ZFPM2: variants seen among roughly 807,000 people sequenced by gnomAD.
ZFPM2 encodes the protein zinc finger protein, FOG family member 2.
Under a neutral mutation model 98.6 loss-of-function variants are expected in ZFPM2, and 20 were observed. That is an observed-to-expected ratio of 0.20 (90% CI 0.14 to 0.29). The LOEUF is 0.29. ZFPM2 is among the 10% of genes least tolerant of loss of function. The probability of loss-of-function intolerance (pLI) is 1.00; values close to 1 mark genes in which losing one functional copy is unlikely to be tolerated. For synonymous variants in ZFPM2, 518 were observed against 502.7 expected (o/e 1.03, Z -0.41); for missense variants, 1,310 against 1,388.6 (o/e 0.94, Z 0.90).
At chr8:105,659,033 T>C (rs1817341126) in intron 5 of ZFPM2, among the ~76,000 whole-genome samples, 1 of 152,164 alleles carries the variant, frequency 6.6e-6, no homozygotes, top group Non-Finnish European at 1.5e-5. Flanking sequence ...CAGGAGGAGA[T>C]GGATCTTAAA....
intron 1 of ZFPM2, among the ~76,000 whole-genome samples, chr8:105,385,454 C>T (rs760110840): frequency 1.3e-5 from 2 of 152,156 alleles, no homozygotes; most frequent in Non-Finnish European, 2.9e-5. Flanking sequence ...TAGAGACAAA[C>T]GTCAAGCTAG....
At chr8:105,630,458 A>C (rs944882794) in intron 4 of ZFPM2, among the ~76,000 whole-genome samples, 1 of 152,092 alleles carries the variant, frequency 6.6e-6, no homozygotes, top group Non-Finnish European at 1.5e-5. Flanking sequence ...GAGATTTTTT[A>C]TCTACTTATT....
chr8:105,419,374 A>T (rs1173319640), intron 2 of ZFPM2, 72 bp downstream of exon 2: 9 of 1,545,338 alleles, frequency 5.8e-6, no homozygotes, highest in Non-Finnish European at 7.0e-6. Context: ...AAAAATGCAT[A>T]ATAGTCCTCA....
chr8:105,381,459 TG>T (rs1344892543), intron 1 of ZFPM2, among the ~76,000 whole-genome samples: 1 of 152,120 alleles, frequency 6.6e-6, no homozygotes, highest in Non-Finnish European at 1.5e-5. Context: ...GAGAACTCTT[TG>T]TTTTTGACAA....
intron 5 of ZFPM2, among the ~76,000 whole-genome samples, chr8:105,785,491 C>G (rs1380056169): frequency 6.6e-6 from 1 of 152,070 alleles, no homozygotes; most frequent in Non-Finnish European, 1.5e-5. Flanking sequence ...ACTTAGTTAT[C>G]CTCTCTAAGC....
At chr8:105,360,311 G>A (rs1035783995) in intron 1 of ZFPM2, among the ~76,000 whole-genome samples, 7 of 151,744 alleles carry the variant, frequency 4.6e-5, no homozygotes, top group African/African-American at 1.7e-4. Flanking sequence ...TAACTTTTTT[G>A]TTTGTTTGTT....
At chr8:105,509,174 C>T (rs947463853) in intron 3 of ZFPM2, among the ~76,000 whole-genome samples, 3 of 152,166 alleles carry the variant, frequency 2.0e-5, no homozygotes, top group Admixed American at 6.5e-5. Context: ...ATCTGTACCT[C>T]AAAGGAAGCA....
At position 105,420,825 on chromosome 8, in the gene ZFPM2, A is replaced by T. The variant is rs1209181281; in HGVS notation, c.199+1523A>T. 2.0e-5 allele frequency among the ~76,000 whole-genome samples: 3 copies of T among 152,058 alleles called. No homozygotes were observed. The East Asian group carries it at 5.8e-4, about 29-fold the overall frequency. ...CTACCTTATGTTGTGATGTTGCAATAAAGAGAGGAATTGAGAGTTAGAAGG... is the reference window on the plus strand; with the variant it reads ...CTACCTTATGTTGTGATGTTGCAATTAAGAGAGGAATTGAGAGTTAGAAGG... On this transcript the variant is annotated intron_variant, in intron 2 of 7. Transcript: ENST00000407775.
At chr8:105,360,546 G>A (rs1001716636) in intron 1 of ZFPM2, among the ~76,000 whole-genome samples, 27 of 151,910 alleles carry the variant, frequency 1.8e-4, no homozygotes, top group African/African-American at 5.3e-4. Flanking sequence ...GTATGTATAC[G>A]TGTGCCATGC....
chr8:105,377,863 C>T (rs1810762483), intron 1 of ZFPM2, among the ~76,000 whole-genome samples: 1 of 152,050 alleles, frequency 6.6e-6, no homozygotes, highest in African/African-American at 2.4e-5. Flanking sequence ...GCACTTCAGA[C>T]TATATATACT....
Position 105,577,318 on chromosome 8 carries a change from G to C in ZFPM2, c.420+15837G>C, listed in dbSNP as rs1438796071. Among the ~76,000 whole-genome samples the C allele has an allele frequency of 2.6e-5, 4 of 152,046 alleles. No individual in the cohort carries two copies. In the East Asian group the frequency reaches 7.7e-4, roughly 29 times the overall value. On this transcript the variant is annotated intron_variant, in intron 4 of 7. Coordinates refer to ENST00000407775, the MANE Select transcript of ZFPM2 (RefSeq NM_012082.4). ...CAAACAAAAAGTAGTATTCACATGT[G>C]TGCAGGCACACACACATACATGCAC...
At chr8:105,545,554 A>T (rs1312751573) in intron 3 of ZFPM2, among the ~76,000 whole-genome samples, 2 of 152,210 alleles carry the variant, frequency 1.3e-5, no homozygotes, top group African/African-American at 2.4e-5. Context: ...CAAAAAATTA[A>T]GATTGTGCTA....
chr8:105,386,722 T>G (rs1283502658), intron 1 of ZFPM2, among the ~76,000 whole-genome samples: 1 of 152,086 alleles, frequency 6.6e-6, no homozygotes, highest in Non-Finnish European at 1.5e-5. Flanking sequence ...CTGCTTTTAG[T>G]CTCTTATCGG....
rs764573725 is a variant in ZFPM2, at chr8:105,801,552, T to C, written c.1470T>C (p.Pro490=). Residue 490 remains proline (P), a synonymous_variant, in exon 8 of 8, where the codon CCT becomes CCC. Transcript: ENST00000407775. ...ASSPVQPNIG[P]SFPVGPFLSQ... ...CTCCAGTTCAGCCTAATATTGGGCC[T>C]TCTTTCCCTGTGGGCCCTTTCCTAT... 3 of 1,613,822 alleles carry C rather than the reference T, an allele frequency of 1.9e-6. No homozygotes were observed. The highest frequency in any genetic ancestry group is 2.5e-6 in the Non-Finnish European group (3 of 1,179,872).
intron 5 of ZFPM2, among the ~76,000 whole-genome samples, chr8:105,637,524 T>G (rs1816871221): frequency 6.6e-6 from 1 of 152,152 alleles, no homozygotes; most frequent in African/African-American, 2.4e-5. Context: ...ATATTTTTAT[T>G]TCTCTACTTT....
chr8:105,462,690 A>G (rs1292372098), intron 3 of ZFPM2, among the ~76,000 whole-genome samples: 2 of 152,124 alleles, frequency 1.3e-5, no homozygotes, highest in African/African-American at 4.8e-5. Context: ...TGTGTAAGCA[A>G]TATAACCATG....
At chr8:105,746,849 T>A (rs1178780490) in intron 5 of ZFPM2, among the ~76,000 whole-genome samples, 1 of 151,944 alleles carries the variant, frequency 6.6e-6, no homozygotes, top group Admixed American at 6.6e-5. Flanking sequence ...AGATACCACC[T>A]GAAGACATTC....
At chr8:105,722,927 A>G (rs929015721) in intron 5 of ZFPM2, among the ~76,000 whole-genome samples, 4 of 152,060 alleles carry the variant, frequency 2.6e-5, no homozygotes, top group African/African-American at 9.6e-5. Flanking sequence ...TGCCAGTATC[A>G]TATGAGTCCA....
chr8:105,428,067 T>G (rs1029860219), intron 2 of ZFPM2, among the ~76,000 whole-genome samples: 7 of 152,220 alleles, frequency 4.6e-5, no homozygotes, highest in African/African-American at 1.7e-4. Flanking sequence ...AATTAAAACT[T>G]GCATTGTTGG....
Sources: allele counts gnomAD v4.1 joint callset (sites outside exome capture counted in the v4.1 genomes callset), GRCh38; gene constraint gnomAD v4.1.1; transcripts MANE v1.5; gene names NCBI Gene and HGNC (gene_info 2026-07-23, HGNC 2026-07-21).